Variants in BFSP1 observed in about 807,000 individuals in gnomAD.
BFSP1 encodes the protein filensin.
Under a neutral mutation model 43.9 loss-of-function variants are expected in BFSP1, and 38 were observed. That is an observed-to-expected ratio of 0.87 (90% CI 0.67 to 1.14). The LOEUF is 1.14. BFSP1 is among the 50% of genes most tolerant of loss of function. BFSP1 has a pLI of 0.00. For missense variants in BFSP1, 850 were observed against 875.1 expected (o/e 0.97, Z 0.36); for synonymous variants, 352 against 354.8 (o/e 0.99, Z 0.09).
intron 7 of BFSP1, 100 bp from the exon 8 acceptor site, chr20:17,495,129 C>T: frequency 8.7e-7 from 1 of 1,148,894 alleles, no homozygotes; most frequent in Non-Finnish European, 1.2e-6. Context: ...GAAACAAACG[C>T]CTATAGTACT....
chr20:17,521,534 G>T (rs986138019), intron 2 of BFSP1, among the ~76,000 whole-genome samples: 1 of 152,230 alleles, frequency 6.6e-6, no homozygotes, highest in Non-Finnish European at 1.5e-5. Context: ...TTGATCTGAT[G>T]TAAGAAAATA....
chr20:17,550,130 G>C (rs920937933), intron 1 of BFSP1, among the ~76,000 whole-genome samples: 2 of 152,136 alleles, frequency 1.3e-5, no homozygotes, highest in Non-Finnish European at 2.9e-5. Flanking sequence ...TTCTCTAATT[G>C]TTGCCAGGAA....
chr20:17,496,278 G>A (rs2033629165), intron 7 of BFSP1, among the ~76,000 whole-genome samples: 1 of 152,220 alleles, frequency 6.6e-6, no homozygotes, highest in African/African-American at 2.4e-5. Flanking sequence ...TGGAAATAAG[G>A]ATTTCAAGGC....
At chr20:17,517,749 G>A (rs145562055) in intron 2 of BFSP1, among the ~76,000 whole-genome samples, 1 of 152,300 alleles carries the variant, frequency 6.6e-6, no homozygotes, top group East Asian at 1.9e-4. Flanking sequence ...GTTTTCAGAT[G>A]AGGTCTTTGA....
intron 1 of BFSP1, among the ~76,000 whole-genome samples, chr20:17,564,674 C>T (rs989086678): frequency 4.0e-5 from 6 of 149,776 alleles, no homozygotes; most frequent in East Asian, 2.0e-4. Flanking sequence ...CTGCAACCTC[C>T]GCCTCCCGGG....
chr20:17,499,138 T>C, intron 5 of BFSP1, 98 bp from the exon 6 acceptor site: 1 of 1,049,208 alleles, frequency 9.5e-7, no homozygotes, highest in South Asian at 1.4e-5. Flanking sequence ...GAATGTTTTA[T>C]GTTGTTTGTG....
At chr20:17,529,883 T>C (rs1031359140) in intron 1 of BFSP1, among the ~76,000 whole-genome samples, 5 of 152,198 alleles carry the variant, frequency 3.3e-5, no homozygotes, top group African/African-American at 9.6e-5. Context: ...CTATAATACA[T>C]TCCTCAAAGT....
intron 1 of BFSP1, among the ~76,000 whole-genome samples, chr20:17,527,722 T>C (rs6034842): frequency 0.26 from 39,396 of 150,482 alleles, 6,467 homozygotes; most frequent in African/African-American, 0.46. Context: ...AGCGAGACTC[T>C]GTATCAAAAA....
At chr20:17,516,807 T>C in intron 2 of BFSP1, 1 of 545,650 alleles carries the variant, frequency 1.8e-6, no homozygotes, top group Non-Finnish European at 3.3e-6. Context: ...TTTCCTTCCT[T>C]TTCCATTAGC....
chr20:17,566,677 C>T (rs890283279), intron 1 of BFSP1, among the ~76,000 whole-genome samples: 3 of 151,840 alleles, frequency 2.0e-5, no homozygotes, highest in African/African-American at 7.3e-5. Flanking sequence ...TTTTTTGAGA[C>T]ACAGTCTCGC....
chr20:17,545,037 AT>A (rs940797700), intron 1 of BFSP1, among the ~76,000 whole-genome samples: 2 of 152,324 alleles, frequency 1.3e-5, no homozygotes, highest in African/African-American at 4.8e-5. Context: ...GAAAGTCAAT[AT>A]TTTACTAACC....
chr20:17,561,730 A>C (rs150562031), upstream of BFSP1, among the ~76,000 whole-genome samples: 19 of 152,284 alleles, frequency 1.2e-4, no homozygotes, highest in East Asian at 2.7e-3. Context: ...GTGTGTATGC[A>C]AGGAACCGTG....
At chr20:17,509,114 C>T (rs2034014502) in intron 4 of BFSP1, 118 bp from the exon 5 acceptor site, 3 of 662,940 alleles carry the variant, frequency 4.5e-6, no homozygotes, top group African/African-American at 3.8e-5. Flanking sequence ...TGTGTTGAAG[C>T]CCTAACTAAC....
At chr20:17,553,760 G>T (rs914383058) in intron 1 of BFSP1, among the ~76,000 whole-genome samples, 12 of 138,976 alleles carry the variant, frequency 8.6e-5, no homozygotes, top group African/African-American at 3.3e-4. Context: ...GAAAAGACCT[G>T]TTAAAAATAT....
chr20:17,563,999 G>A (rs1396014716), intron 1 of BFSP1, among the ~76,000 whole-genome samples: 1 of 151,878 alleles, frequency 6.6e-6, no homozygotes, highest in Non-Finnish European at 1.5e-5. Context: ...GGACTGTGAG[G>A]TAACCTTAGA....
At chr20:17,567,589 C>A (rs1427646037) in intron 1 of BFSP1, among the ~76,000 whole-genome samples, 1 of 152,102 alleles carries the variant, frequency 6.6e-6, no homozygotes, top group African/African-American at 2.4e-5. Flanking sequence ...GCCGGGCGCT[C>A]GGTGTCTAAG....
In BFSP1 at chr20:17,520,335, G is replaced by A. The variant is rs2034297451; in HGVS notation, c.438+4513C>T. On this transcript the variant is annotated intron_variant, in intron 2 of 7. Transcript: ENST00000377873. ...GAGCTGGAGAAATAACTAGAATTTG[G>A]AGCATTATTGAAAATCAGCCCTTTT... Among the ~76,000 whole-genome samples, 2 of 151,744 alleles carry A rather than the reference G, an allele frequency of 1.3e-5. 1 individual carries two copies. The highest frequency in any genetic ancestry group is 2.9e-5 in the Non-Finnish European group (2 of 67,986).
upstream of BFSP1, among the ~76,000 whole-genome samples, chr20:17,563,513 G>A (rs550637062): frequency 1.3e-5 from 2 of 151,758 alleles, no homozygotes; most frequent in East Asian, 3.9e-4. Context: ...GCTAATTTTT[G>A]TATTTTTACT....
chr20:17,495,359 A>G (rs977971065), intron 7 of BFSP1, among the ~76,000 whole-genome samples: 1 of 152,174 alleles, frequency 6.6e-6, no homozygotes. Flanking sequence ...CTGACACTCA[A>G]TGGGAGCCCT....
Sources: gnomAD v4.1 joint callset for allele counts (sites outside exome capture counted in the v4.1 genomes callset) on GRCh38, gnomAD v4.1.1 for gene constraint, MANE v1.5 for transcripts, NCBI Gene and HGNC (gene_info 2026-07-23, HGNC 2026-07-21) for gene names.